Variants in NHERF1 observed in about 807,000 individuals in gnomAD.
NHERF1 encodes the protein Na(+)/H(+) exchange regulatory cofactor NHE-RF1.
the NHERF1 span, among the ~76,000 whole-genome samples, chr17:74,754,790 C>A: frequency 6.6e-6 from 1 of 152,164 alleles, no homozygotes; most frequent in African/African-American, 2.4e-5. Flanking sequence ...ATATGCATTT[C>A]ATTGTCCCCC....
At chr17:74,751,737 C>T in the NHERF1 span, among the ~76,000 whole-genome samples, 1 of 152,352 alleles carries the variant, frequency 6.6e-6, no homozygotes, top group South Asian at 2.1e-4. The surrounding 1 kb of genome is among the most constrained non-coding windows in gnomAD (Gnocchi z 4.3). Flanking sequence ...CTCCTCCCCC[C>T]ATTCACCACC....
chr17:74,763,240 T>A, the NHERF1 span: 2 of 805,194 alleles, frequency 2.5e-6, no homozygotes, highest in African/African-American at 3.5e-5. Flanking sequence ...GGGGTCAGTA[T>A]CCCCAGGTTG....
At chr17:74,768,556 C>T in the NHERF1 span, 2 of 1,614,074 alleles carry the variant, frequency 1.2e-6, no homozygotes, top group African/African-American at 2.7e-5. Context: ...TTCAACATCT[C>T]CCTGGCCATG....
At chr17:74,749,287 G>A in the NHERF1 span, 17 of 1,527,986 alleles carry the variant, frequency 1.1e-5, no homozygotes, top group Non-Finnish European at 1.4e-5. This position sits in a 1 kb window ranked among gnomAD's most constrained non-coding sequence, Gnocchi z 5.6. Flanking sequence ...ACCCGGAGCA[G>A]GTAAGCGGGG....
chr17:74,756,374 G>A, the NHERF1 span, among the ~76,000 whole-genome samples: 1 of 146,764 alleles, frequency 6.8e-6, no homozygotes, highest in Non-Finnish European at 1.5e-5. Flanking sequence ...CGCCTCCTGG[G>A]TTCAAGCGGT....
chr17:74,754,528 A>G, the NHERF1 span, among the ~76,000 whole-genome samples: 3 of 149,766 alleles, frequency 2.0e-5, no homozygotes, highest in East Asian at 4.0e-4. Flanking sequence ...TCAGCCTTCC[A>G]TGTAGCTAGG....
At chr17:74,752,226 G>A in the NHERF1 span, among the ~76,000 whole-genome samples, 1 of 152,104 alleles carries the variant, frequency 6.6e-6, no homozygotes, top group South Asian at 2.1e-4. Flanking sequence ...CCTGAGCCCA[G>A]GAGTTTGAGA....
At chr17:74,764,062 C>A in the NHERF1 span, among the ~76,000 whole-genome samples, 1 of 152,214 alleles carries the variant, frequency 6.6e-6, no homozygotes, top group African/African-American at 2.4e-5. The surrounding 1 kb of genome is among the most constrained non-coding windows in gnomAD (Gnocchi z 4.9). Flanking sequence ...ATCACCCTGC[C>A]AAGCCTGGCG....
the NHERF1 span, chr17:74,768,198 GC>G: frequency 1.9e-6 from 3 of 1,613,836 alleles, no homozygotes; most frequent in South Asian, 3.3e-5. Flanking sequence ...CCCCAGGCCA[GC>G]CCTGGTGAGA....
the NHERF1 span, among the ~76,000 whole-genome samples, chr17:74,755,187 A>G: frequency 1.3e-5 from 2 of 152,242 alleles, no homozygotes; most frequent in African/African-American, 4.8e-5. Context: ...TCACAGTGGT[A>G]TAAATTCAGG....
chr17:74,752,920 A>T, the NHERF1 span, among the ~76,000 whole-genome samples: 1 of 152,356 alleles, frequency 6.6e-6, no homozygotes, highest in East Asian at 1.9e-4. Flanking sequence ...AGGCTCTCAA[A>T]AACAGTTTTT....
chr17:74,766,030 G>A, the NHERF1 span, among the ~76,000 whole-genome samples: 1 of 152,186 alleles, frequency 6.6e-6, no homozygotes, highest in Non-Finnish European at 1.5e-5. Context: ...TTCCCACGTA[G>A]GAGTTCCCAG....
the NHERF1 span, among the ~76,000 whole-genome samples, chr17:74,752,554 C>T: frequency 6.6e-6 from 1 of 151,788 alleles, no homozygotes; most frequent in Non-Finnish European, 1.5e-5. Context: ...GGAGTGGTGT[C>T]GCAACCTCGC....
chr17:74,768,455 C>A, the NHERF1 span: 3 of 1,613,948 alleles, frequency 1.9e-6, no homozygotes, highest in African/African-American at 2.7e-5. Context: ...CCTGCCCCCA[C>A]TTCTCTTTAC....
the NHERF1 span, among the ~76,000 whole-genome samples, chr17:74,751,457 GTGA>G: frequency 2.6e-5 from 4 of 152,246 alleles, no homozygotes; most frequent in Admixed American, 2.6e-4. This position sits in a 1 kb window ranked among gnomAD's most constrained non-coding sequence, Gnocchi z 4.3. Context: ...CACTTACTAA[GTGA>G]TGATATCAGT....
chr17:74,762,242 C>T, the NHERF1 span: 4 of 1,532,068 alleles, frequency 2.6e-6, no homozygotes, highest in Admixed American at 6.8e-5. This position sits in a 1 kb window ranked among gnomAD's most constrained non-coding sequence, Gnocchi z 4.2. Context: ...CCTGGGGCAG[C>T]CATCATACCA....
the NHERF1 span, chr17:74,749,146 G>A: frequency 1.3e-6 from 2 of 1,555,418 alleles, no homozygotes; most frequent in Non-Finnish European, 1.7e-6. The surrounding 1 kb of genome is among the most constrained non-coding windows in gnomAD (Gnocchi z 5.6). Context: ...AGCAGCTGCA[G>A]AAGCTCGGCG....
chr17:74,768,811 T>C, the NHERF1 span: 7 of 679,588 alleles, frequency 1.0e-5, no homozygotes, highest in South Asian at 9.4e-5. Flanking sequence ...TGTTCTTCCC[T>C]GACTTTAGGG....
At chr17:74,768,199 C>T in the NHERF1 span, 6 of 1,613,526 alleles carry the variant, frequency 3.7e-6, no homozygotes, top group Non-Finnish European at 4.2e-6. Flanking sequence ...CCCAGGCCAG[C>T]CCTGGTGAGA....
Sources: gnomAD v4.1 joint callset for allele counts (sites outside exome capture counted in the v4.1 genomes callset) on GRCh38, gnomAD v4.1.1 for gene constraint, Gnocchi (gnomAD v3.1) non-coding constraint, MANE v1.5 for transcripts, NCBI Gene and HGNC (gene_info 2026-07-23, HGNC 2026-07-21) for gene names.